Variants in DVL2 observed in about 807,000 individuals in gnomAD.
The protein encoded by DVL2 is dishevelled segment polarity protein 2.
DVL2 carries 38 observed loss-of-function variants against 69.8 expected under a neutral mutation model. That is an observed-to-expected ratio of 0.54 (90% CI 0.42 to 0.71). DVL2 has a LOEUF of 0.71. Among genes scored for constraint, DVL2 ranks in the 30% least tolerant of loss-of-function variants. The pLI is 0.00. For missense variants in DVL2, 931 were observed against 1,008.1 expected (o/e 0.92, Z 1.04); for synonymous variants, 428 against 392.4 (o/e 1.09, Z -1.07).
chr17:7,233,965 G>C (rs759767094), intron 1 of DVL2, 104 bp downstream of exon 1: 1 of 1,259,052 alleles, frequency 7.9e-7, no homozygotes, highest in Non-Finnish European at 1.1e-6. Flanking sequence ...CTCCACCATA[G>C]GCCAGAAAAT....
intron 2 of DVL2, 31 bp from the exon 3 acceptor site, chr17:7,230,461 C>G: frequency 1.2e-6 from 2 of 1,609,944 alleles, no homozygotes; most frequent in South Asian, 2.2e-5. Flanking sequence ...AACAGTGGCT[C>G]ACTTGGGAGT....
Position 7,227,553 on chromosome 17 carries a change from G to A in DVL2, c.1232-18C>T, listed in dbSNP as rs781297306. 1.5e-5 allele frequency: 24 copies of A among 1,613,332 alleles called. No homozygotes were observed. The highest frequency in any genetic ancestry group is 5.0e-5 in the Admixed American group (3 of 60,024). On this transcript the variant is annotated intron_variant, in intron 11 of 14. Transcript: ENST00000005340. ...TTCACAGCCTGGCAGAGGAGACAAC[G>A]GGTAACCAGAGTCAGGGATCGCTCC...
chr17:7,230,646 G>A, intron 2 of DVL2, 82 bp downstream of exon 2: 1 of 1,456,726 alleles, frequency 6.9e-7, no homozygotes. Flanking sequence ...GCGCGGCCTG[G>A]GGAGGATACA....
In DVL2 at chr17:7,230,041, C is replaced by T; in HGVS notation, c.520+5G>A. 1 of 1,613,768 alleles carries T rather than the reference C, an allele frequency of 6.2e-7. No individual in the cohort carries two copies. Among genetic ancestry groups the T allele is most frequent in the Non-Finnish European group, 8.5e-7 (1 of 1,180,034 alleles). On this transcript the variant is annotated splice_donor_5th_base_variant and intron_variant, in intron 4 of 14. Transcript: ENST00000005340. ...CCCTTCCCGGCCCCCAGGCCTGCCC[C>T]TCACCGCCATGCTCACTGCTGTCTC...
At chr17:7,230,613 G>A in intron 2 of DVL2, 115 bp downstream of exon 2, 1 of 1,326,224 alleles carries the variant, frequency 7.5e-7, no homozygotes, top group South Asian at 1.4e-5. Flanking sequence ...ACAGACAGGA[G>A]GTAAAGAGCC....
At chr17:7,230,572 G>T in intron 2 of DVL2, 142 bp from the exon 3 acceptor site, 1 of 1,342,464 alleles carries the variant, frequency 7.4e-7, no homozygotes, top group Non-Finnish European at 1.0e-6. Flanking sequence ...TCCAGAAGGA[G>T]AAGGCTGAGG....
intron 9 of DVL2, 106 bp from the exon 10 acceptor site, chr17:7,228,150 C>T: frequency 1.1e-6 from 1 of 930,872 alleles, no homozygotes; most frequent in Non-Finnish European, 1.6e-6. Flanking sequence ...GGGGGAGAAG[C>T]AAGCACATCG....
intron 9 of DVL2, 173 bp downstream of exon 9, chr17:7,228,795 TG>T: frequency 1.6e-6 from 1 of 617,334 alleles, no homozygotes. Context: ...TTGGTCAGGC[TG>T]GTCTCGAACT....
intron 2 of DVL2, 30 bp downstream of exon 2, chr17:7,230,698 G>A (rs1177915810): frequency 6.3e-7 from 1 of 1,595,962 alleles, no homozygotes; most frequent in East Asian, 2.2e-5. Flanking sequence ...ATGCTGAGGG[G>A]GCCTGGTCCT....
In DVL2 at chr17:7,229,278, T is replaced by C. The variant is rs2071504076; in HGVS notation, c.818-4A>G. On this transcript the variant is annotated splice_region_variant and splice_polypyrimidine_tract_variant and intron_variant, in intron 7 of 14. Transcript: ENST00000005340. The surrounding 1 kb of genome is among the most constrained non-coding windows in gnomAD (Gnocchi z 4.4). Reference sequence around the variant, plus strand: ...ATACCCAGGAAGTTGTACTTCTCTGTGGAGAGAGGCCATGTGAAAAGAGGA... The same window carrying C: ...ATACCCAGGAAGTTGTACTTCTCTGCGGAGAGAGGCCATGTGAAAAGAGGA... The C allele has an allele frequency of 6.2e-7, 1 of 1,613,624 alleles. No individual in the cohort carries two copies. The highest frequency in any genetic ancestry group is 1.1e-5 in the South Asian group (1 of 91,034).
chr17:7,230,003 G>A lies in DVL2; in HGVS notation c.520+43C>T, dbSNP rs1249588634. The A allele has an allele frequency of 2.5e-6, 4 of 1,611,454 alleles. No homozygotes were observed. The East Asian group carries it at 6.7e-5, about 27-fold the overall frequency. On this transcript the variant is annotated intron_variant, in intron 4 of 14. Coordinates refer to ENST00000005340, the MANE Select transcript of DVL2 (RefSeq NM_004422.3). ...CCCCCTGCTCACCCCACCAAGGCTG[G>A]GGTCTGGCCCAGCCCTTCCCGGCCC...
rs2071605516 is a variant in DVL2, at chr17:7,234,492, A to C, written c.-230T>G. 1 of 540,642 alleles carries C rather than the reference A, an allele frequency of 1.8e-6. No homozygotes were observed. Among genetic ancestry groups the C allele is most frequent in the Non-Finnish European group, 3.2e-6 (1 of 313,766 alleles). The allele number at this position is 540,642 out of a possible 1,614,324, so 33.5% of individuals were successfully genotyped here. A position where few individuals can be genotyped will look rare whatever the true frequency, so the allele number is the denominator to read the frequency against. ...CGGCCGCCGCGCGCCACCGCCACCGACGCCGCGAGCTTCCTCCAGGTACCC... is the reference window on the plus strand; with the variant it reads ...CGGCCGCCGCGCGCCACCGCCACCGCCGCCGCGAGCTTCCTCCAGGTACCC... On this transcript the variant is annotated 5_prime_UTR_variant, in exon 1 of 15. Coordinates refer to ENST00000005340, the MANE Select transcript of DVL2 (RefSeq NM_004422.3).
Position 7,229,054 on chromosome 17 carries a change from G to A in DVL2, c.958-9C>T, listed in dbSNP as rs372834285. ...AAGTTCATGTCATTCACCTGGAAGC[G>A]ACGGCAAGTGGGTCAGAGACACGGT... On this transcript the variant is annotated splice_polypyrimidine_tract_variant and intron_variant, in intron 8 of 14. Transcript: ENST00000005340. The surrounding 1 kb of genome is among the most constrained non-coding windows in gnomAD (Gnocchi z 4.4). 8.1e-6 allele frequency: 13 copies of A among 1,614,030 alleles called. No individual in the cohort carries two copies. The highest frequency in any genetic ancestry group is 4.0e-5 in the African/African-American group (3 of 74,916).
In DVL2 at chr17:7,234,378, G is replaced by A; in HGVS notation, c.-116C>T. 3.3e-6 allele frequency: 4 copies of A among 1,204,818 alleles called. No homozygotes were observed. Among genetic ancestry groups the A allele is most frequent in the Admixed American group, 5.0e-5 (2 of 39,830 alleles). The allele number at this position is 1,204,818 out of a possible 1,614,324, so 74.6% of individuals were successfully genotyped here. Reference sequence around the variant, plus strand: ...AGCGCGGACAGGACTGACCCAGTACGGGAGAGAAGCAAAGGGGAAAAAGCA... The same window carrying A: ...AGCGCGGACAGGACTGACCCAGTACAGGAGAGAAGCAAAGGGGAAAAAGCA... On this transcript the variant is annotated 5_prime_UTR_variant, in exon 1 of 15. Coordinates refer to ENST00000005340, the MANE Select transcript of DVL2 (RefSeq NM_004422.3).
intron 11 of DVL2, 59 bp downstream of exon 11, chr17:7,227,596 A>C: frequency 6.2e-7 from 1 of 1,614,000 alleles, no homozygotes. Context: ...GCAATGGATC[A>C]GACCACTGCG....
In DVL2 at chr17:7,230,092, T is replaced by C. The variant is rs2071519577; in HGVS notation, c.474A>G (p.Ser158=). The C allele has an allele frequency of 1.9e-6, 3 of 1,614,058 alleles. No homozygotes were observed. In the South Asian group the frequency reaches 3.3e-5, roughly 18 times the overall value. ...TCCTGCGAGGCCGCTCCCGCCTCAGTGACACTACTGACTCGGTTTCTGTCT... is the reference window on the plus strand; with the variant it reads ...TCCTGCGAGGCCGCTCCCGCCTCAGCGACACTACTGACTCGGTTTCTGTCT... The part of the protein sequence containing the change: ...EPETETESVV[S]LRRERPRRRD... The change falls in exon 4 of 15, where the codon TCA becomes TCG. Residue 158 remains serine, a synonymous_variant. Coordinates refer to ENST00000005340, the MANE Select transcript of DVL2 (RefSeq NM_004422.3).
chr17:7,226,754 A>C, intron 13 of DVL2, 115 bp from the exon 14 acceptor site: 2 of 824,838 alleles, frequency 2.4e-6, no homozygotes, highest in Non-Finnish European at 3.6e-6. Flanking sequence ...GATGGGGCTC[A>C]AAACAGGGGT....
At position 7,228,930 on chromosome 17, in the gene DVL2, A is replaced by G. The variant is rs569454271; in HGVS notation, c.1034+39T>C. The G allele has an allele frequency of 2.9e-4, 469 of 1,599,480 alleles. 1 individual carries two copies. Among genetic ancestry groups the G allele is most frequent in the Middle Eastern group, 1.9e-3 (11 of 5,852 alleles). On this transcript the variant is annotated intron_variant, in intron 9 of 14. Coordinates refer to ENST00000005340, the MANE Select transcript of DVL2 (RefSeq NM_004422.3). ...AAAACAAAACATGAAAGAGAAAAAAAAAGAGGACTGAGGACCGGCAACCTG... is the reference window on the plus strand; with the variant it reads ...AAAACAAAACATGAAAGAGAAAAAAGAAGAGGACTGAGGACCGGCAACCTG...
In DVL2 at chr17:7,227,734, C is replaced by T. The variant is rs754741538; in HGVS notation, c.1152G>A (p.Ala384=). The T allele has an allele frequency of 3.7e-6, 6 of 1,603,134 alleles. No homozygotes were observed. Among genetic ancestry groups the T allele is most frequent in the South Asian group, 2.2e-5 (2 of 89,622 alleles). Residue 384 remains alanine, a synonymous_variant, in exon 11 of 15, where the codon GCG becomes GCA. Coordinates refer to ENST00000005340, the MANE Select transcript of DVL2 (RefSeq NM_004422.3). The part of the protein sequence containing the change: ...IDPAAWVSHS[A]ALTGTFPAYP... Reference sequence around the variant, plus strand: ...AGGCTGGGAAGGTGCCAGTCAGAGCCGCGGAATGGGACACCCAGGCAGCAG... The same window carrying T: ...AGGCTGGGAAGGTGCCAGTCAGAGCTGCGGAATGGGACACCCAGGCAGCAG...
Sources: gnomAD v4.1 joint callset for allele counts on GRCh38, gnomAD v4.1.1 for gene constraint, Gnocchi (gnomAD v3.1) non-coding constraint, MANE v1.5 for transcripts, NCBI Gene and HGNC (gene_info 2026-07-23, HGNC 2026-07-21) for gene names.